The following ANOS1 variants were observed in gnomAD, a reference collection of about 807,000 sequenced individuals.
The protein encoded by ANOS1 is anosmin 1, also known as anosmin-1.
In ANOS1, 6 loss-of-function variants were observed where a neutral mutation model predicts 59.0. The observed-to-expected ratio is 0.10, with a 90% confidence interval of 0.06 to 0.20. The LOEUF (loss-of-function observed/expected upper bound fraction) is 0.20, where lower values mean the gene tolerates loss of function less well. Ranked by LOEUF, ANOS1 falls within the 10% of genes least tolerant of loss-of-function variation. The probability of loss-of-function intolerance (pLI) is 1.00; values close to 1 mark genes in which losing one functional copy is unlikely to be tolerated. For synonymous variants in ANOS1, 217 were observed against 223.4 expected, an observed-to-expected ratio of 0.97 and a Z score of 0.25; for missense variants, 433 against 542.3, an observed-to-expected ratio of 0.80 and a Z score of 2.00.
intron 2 of ANOS1, among the ~76,000 whole-genome samples, chrX:8,699,438 T>C (rs1297226525): frequency 8.9e-6 from 1 of 112,130 alleles, no homozygotes; most frequent in African/African-American, 3.2e-5. Flanking sequence ...TATAGAACCA[T>C]TGATACCTGC....
rs141053428 is a variant in ANOS1 at position 8,552,353 on chromosome X, G to A, written c.1354+1599C>T. ...ATCCCACCTCTATGGAAGAATATGC[G>A]TCAAACAACATGTGTTCGTGGGGCA... On this transcript the variant is annotated intron_variant, in intron 9 of 13. Coordinates refer to ENST00000262648, the MANE Select transcript of ANOS1 (RefSeq NM_000216.4). Among the ~76,000 whole-genome samples, 224 of 112,059 alleles carry A rather than the reference G, an allele frequency of 2.0e-3. 1 individual carries two copies. Among genetic ancestry groups the A allele is most frequent in the Non-Finnish European group, 1.2e-3 (64 of 53,232 alleles).
At chrX:8,689,991 A>G (rs1342498181) in intron 2 of ANOS1, among the ~76,000 whole-genome samples, 2 of 111,655 alleles carry the variant, frequency 1.8e-5, no homozygotes, top group African/African-American at 3.3e-5. Flanking sequence ...ACACACTAAC[A>G]ATTTCTTTTC....
At chrX:8,699,673 A>T (rs1266611467) in intron 2 of ANOS1, 25 bp downstream of exon 2, 15 of 1,158,372 alleles carry the variant, frequency 1.3e-5, no homozygotes, top group Non-Finnish European at 1.8e-5. Flanking sequence ...TTTTTGCACC[A>T]TTCATACAGG....
intron 8 of ANOS1, among the ~76,000 whole-genome samples, chrX:8,554,542 GT>G (rs757605733): frequency 0.013 from 685 of 50,778 alleles, 4 homozygotes; most frequent in African/African-American, 0.029. Context: ...GGCTACAGGA[GT>G]TTTTTTTTTT....
At chrX:8,721,031 G>A (rs1460361443) in intron 1 of ANOS1, among the ~76,000 whole-genome samples, 1 of 112,115 alleles carries the variant, frequency 8.9e-6, no homozygotes, top group Non-Finnish European at 1.9e-5. Flanking sequence ...AGACGGTTGT[G>A]TTTTGCAGAT....
chrX:8,637,384 G>C (rs747436571), intron 2 of ANOS1, among the ~76,000 whole-genome samples: 3 of 112,046 alleles, frequency 2.7e-5, no homozygotes, highest in Non-Finnish European at 5.6e-5. Flanking sequence ...ACTGAACACT[G>C]TTTTGATTAA....
intron 1 of ANOS1, 81 bp downstream of exon 1, chrX:8,731,749 C>T (rs1165556943): frequency 1.9e-5 from 21 of 1,132,166 alleles, no homozygotes; most frequent in Non-Finnish European, 2.3e-5. Flanking sequence ...TTTGCGAGCC[C>T]AGGCTGGGAG....
At chrX:8,596,355 T>C (rs1930735972) in intron 4 of ANOS1, among the ~76,000 whole-genome samples, 1 of 111,370 alleles carries the variant, frequency 9.0e-6, no homozygotes, top group Non-Finnish European at 1.9e-5. Context: ...TTTGATGGTA[T>C]CCCAAACTAT....
intron 2 of ANOS1, among the ~76,000 whole-genome samples, chrX:8,675,388 A>T (rs1481490484): frequency 9.0e-6 from 1 of 111,699 alleles, no homozygotes; most frequent in Non-Finnish European, 1.9e-5. Context: ...CAAATCCTTT[A>T]CTCTAAGAAA....
chrX:8,611,211 T>C (rs1366575578), intron 3 of ANOS1, among the ~76,000 whole-genome samples: 3 of 108,275 alleles, frequency 2.8e-5, no homozygotes, highest in Non-Finnish European at 3.8e-5. Flanking sequence ...TTAGACACCA[T>C]AGAAGATAAG....
At chrX:8,676,625 T>C (rs6654880) in intron 2 of ANOS1, among the ~76,000 whole-genome samples, 33 of 112,301 alleles carry the variant, frequency 2.9e-4, no homozygotes, top group African/African-American at 9.4e-4. Flanking sequence ...AACACGGTCA[T>C]GGTCTAGCCA....
intron 10 of ANOS1, among the ~76,000 whole-genome samples, chrX:8,537,155 A>G (rs1475029302): frequency 4.5e-5 from 5 of 112,044 alleles, no homozygotes; most frequent in African/African-American, 1.6e-4. Flanking sequence ...TATGCCTTCT[A>G]GAATTAAACA....
chrX:8,587,196 C>CT (rs1251574168), intron 5 of ANOS1, among the ~76,000 whole-genome samples: 1 of 110,774 alleles, frequency 9.0e-6, no homozygotes, highest in African/African-American at 3.3e-5. Flanking sequence ...AAATATTTTG[C>CT]TTTTCTCATC....
intron 2 of ANOS1, among the ~76,000 whole-genome samples, chrX:8,636,221 A>C (rs762867782): frequency 1.6e-4 from 18 of 111,603 alleles, no homozygotes; most frequent in African/African-American, 5.9e-4. Context: ...TCCTAAGAAA[A>C]CATTTGATTG....
At position 8,657,188 on chromosome X, in the gene ANOS1, T is replaced by C. The variant is rs745421584; in HGVS notation, c.256-33518A>G. Among the ~76,000 whole-genome samples the C allele has an allele frequency of 6.2e-5, 7 of 112,570 alleles. No individual in the cohort carries two copies. In the East Asian group the frequency reaches 1.4e-3, roughly 23 times the overall value. Reference sequence around the variant, plus strand: ...CTCAGGTGACTTCCCACGTGGGTGATATTTCGTGCATCCTACCATGTGTGG... The same window carrying C: ...CTCAGGTGACTTCCCACGTGGGTGACATTTCGTGCATCCTACCATGTGTGG... On this transcript the variant is annotated intron_variant, in intron 2 of 13. Coordinates refer to ENST00000262648, the MANE Select transcript of ANOS1 (RefSeq NM_000216.4).
At chrX:8,555,143 G>T (rs1376151000) in intron 8 of ANOS1, among the ~76,000 whole-genome samples, 1 of 111,504 alleles carries the variant, frequency 9.0e-6, no homozygotes, top group Non-Finnish European at 1.9e-5. Flanking sequence ...GGTAAATAAT[G>T]AAATTCAGGC....
chrX:8,572,617 T>C (rs1481219746), intron 6 of ANOS1, among the ~76,000 whole-genome samples: 2 of 111,943 alleles, frequency 1.8e-5, no homozygotes, highest in Admixed American at 9.5e-5. Context: ...ATCTTTATAA[T>C]AGAATGATTT....
At chrX:8,610,514 C>T (rs1931036543) in intron 3 of ANOS1, among the ~76,000 whole-genome samples, 1 of 111,988 alleles carries the variant, frequency 8.9e-6, no homozygotes, top group Non-Finnish European at 1.9e-5. Flanking sequence ...CAGGATGAAA[C>T]TGCATGAAGA....
chrX:8,675,330 C>T (rs1156681021), intron 2 of ANOS1, among the ~76,000 whole-genome samples: 2 of 111,850 alleles, frequency 1.8e-5, no homozygotes, highest in African/African-American at 6.5e-5. Context: ...TGATCATATG[C>T]TGCCTGCCAC....
Sources: gnomAD v4.1 joint callset for allele counts (sites outside exome capture counted in the v4.1 genomes callset) on GRCh38, gnomAD v4.1.1 for gene constraint, MANE v1.5 for transcripts, NCBI Gene and HGNC (gene_info 2026-07-23, HGNC 2026-07-21) for gene names.